IL12RB1: variants seen among roughly 807,000 people sequenced by gnomAD.
IL12RB1 encodes interleukin 12 receptor subunit beta 1.
In IL12RB1, 64 loss-of-function variants were observed where a neutral mutation model predicts 94.4. That is an observed-to-expected ratio of 0.68 (90% CI 0.55 to 0.83). The LOEUF is 0.83. Among genes scored for constraint, IL12RB1 ranks in the 40% least tolerant of loss-of-function variants. IL12RB1 has a pLI of 0.00. For missense variants in IL12RB1, 814 were observed against 855.6 expected (o/e 0.95, Z 0.61); for synonymous variants, 362 against 355.5 (o/e 1.02, Z -0.21).
At chr19:18,081,715 G>A (rs2035914297) in intron 3 of IL12RB1, among the ~76,000 whole-genome samples, 1 of 151,906 alleles carries the variant, frequency 6.6e-6, no homozygotes, top group Non-Finnish European at 1.5e-5. Context: ...AGCTACTCAG[G>A]AGGCTGAGGC....
intron 1 of IL12RB1, chr19:18,097,945 G>C: frequency 1.2e-6 from 1 of 813,180 alleles, no homozygotes; most frequent in Non-Finnish European, 1.6e-6. Context: ...TGAGGCAGAG[G>C]GTGGGGAACG....
At chr19:18,088,019 C>T (rs373424125), upstream of IL12RB1, among the ~76,000 whole-genome samples, 4 of 152,130 alleles carry the variant, frequency 2.6e-5, no homozygotes, top group African/African-American at 7.2e-5. Flanking sequence ...TTTGAGAGGT[C>T]GAGGTGGGAG....
intron 5 of IL12RB1, among the ~76,000 whole-genome samples, 182 bp downstream of exon 5, chr19:18,077,334 C>G (rs1568508764): frequency 1.3e-5 from 2 of 151,850 alleles, no homozygotes; most frequent in African/African-American, 4.8e-5. Flanking sequence ...TGCACTCCAG[C>G]CTGGGCGACA....
At position 18,077,556 on chromosome 19, in the gene IL12RB1, A is replaced by G. The variant is rs777743197; in HGVS notation, c.509T>C (p.Val170Ala). 6.2e-7 allele frequency: 1 copy of G among 1,612,564 alleles called. No homozygotes were observed. The highest frequency in any genetic ancestry group is 8.5e-7 in the Non-Finnish European group (1 of 1,178,972). Residue 170 changes from valine to alanine, a missense_variant, in exon 5 of 17, where the codon GTG (valine) becomes GCG (alanine). Coordinates refer to ENST00000593993, the MANE Select transcript of IL12RB1 (RefSeq NM_005535.3). ...GCTGGGTGTCCGGTGCCGGAACTGCACCTCAGCACCAACCTGGTTATCCGG... is the reference window on the plus strand; with the variant it reads ...GCTGGGTGTCCGGTGCCGGAACTGCGCCTCAGCACCAACCTGGTTATCCGG... ...ETPDNQVGAE[V>A]QFRHRTPSSP... is the part of the protein sequence containing the mutation.
At chr19:18,085,921 A>G (rs2036296320) in intron 1 of IL12RB1, among the ~76,000 whole-genome samples, 1 of 151,592 alleles carries the variant, frequency 6.6e-6, no homozygotes, top group Non-Finnish European at 1.5e-5. Context: ...AGATTATTAA[A>G]AGTATATGGG....
At chr19:18,082,046 T>C (rs2035948717) in intron 3 of IL12RB1, 104 bp downstream of exon 3, 2 of 740,438 alleles carry the variant, frequency 2.7e-6, no homozygotes, top group African/African-American at 1.7e-5. Flanking sequence ...GGAAGGAGTG[T>C]TGACCCAGCC....
In IL12RB1 at chr19:18,069,115, T is replaced by C. The variant is rs552756107; in HGVS notation, c.1189+431A>G. Among the ~76,000 whole-genome samples the C allele has an allele frequency of 2.0e-5, 3 of 152,266 alleles. No homozygotes were observed. The East Asian group carries it at 5.8e-4, about 29-fold the overall frequency. On this transcript the variant is annotated intron_variant, in intron 10 of 16. Transcript: ENST00000593993. The stretch of plus-strand genomic sequence containing the variant: ...GCTGTGTATTCTTCAAGGAACAGGC[T>C]GAGGCTGAGGCTTTCTGGGGCTCTG...
intron 4 of IL12RB1, among the ~76,000 whole-genome samples, chr19:18,078,236 C>A (rs1440212683): frequency 1.3e-5 from 2 of 152,112 alleles, no homozygotes; most frequent in East Asian, 3.9e-4. Context: ...CGGTGAAACA[C>A]CGTCTCTACT....
chr19:18,073,002 T>C (rs1057024537), intron 8 of IL12RB1, among the ~76,000 whole-genome samples: 1 of 142,608 alleles, frequency 7.0e-6, no homozygotes. Context: ...TAGAGGAACA[T>C]AGGAAATAAA....
At chr19:18,081,841 AG>A (rs1431795447) in intron 3 of IL12RB1, among the ~76,000 whole-genome samples, 2 of 133,232 alleles carry the variant, frequency 1.5e-5, no homozygotes, top group African/African-American at 2.8e-5. Context: ...AAAAGAAAAA[AG>A]AAAAAATGGA....
chr19:18,060,436 G>A (rs192349394), intron 15 of IL12RB1, among the ~76,000 whole-genome samples: 5 of 152,192 alleles, frequency 3.3e-5, no homozygotes, highest in African/African-American at 1.2e-4. Flanking sequence ...CCGAGATGGC[G>A]CCACTGCACT....
chr19:18,074,679 C>T (rs943952349), intron 7 of IL12RB1, among the ~76,000 whole-genome samples: 4 of 152,044 alleles, frequency 2.6e-5, no homozygotes, highest in Non-Finnish European at 5.9e-5. Flanking sequence ...ACCCGTGAGG[C>T]GGAGGTTGCA....
Position 18,080,861 on chromosome 19 carries a change from G to C in IL12RB1, c.380C>G (p.Pro127Arg), listed in dbSNP as rs774846440. 1 of 1,612,294 alleles carries C rather than the reference G, an allele frequency of 6.2e-7. No individual in the cohort carries two copies. The highest frequency in any genetic ancestry group is 1.7e-5 in the Admixed American group (1 of 60,002). Residue 127 changes from proline (P) to arginine (R), a missense_variant, in exon 4 of 17, where the codon CCT becomes CGT. Pro to Arg is a moderately radical substitution (Grantham distance 103). Transcript: ENST00000593993. ...SWARNQTEKS[P>R]EVTLQLYNSV... Reference sequence around the variant, plus strand: ...GTTGTAGAGCTGCAGGGTCACCTCAGGAGACTTCTCTGTCTGGTTCCTGGC... The same window carrying C: ...GTTGTAGAGCTGCAGGGTCACCTCACGAGACTTCTCTGTCTGGTTCCTGGC...
In IL12RB1 at chr19:18,059,027, G is replaced by A. The variant is rs759679301; in HGVS notation, c.*581C>T. On this transcript the variant is annotated 3_prime_UTR_variant, in exon 17 of 17. Transcript: ENST00000593993. Reference sequence around the variant, plus strand: ...CAAGGCTCGTGTTTTGAGATTTTGAGCAGGACATTCAAGCTTCAAACAGGA... The same window carrying A: ...CAAGGCTCGTGTTTTGAGATTTTGAACAGGACATTCAAGCTTCAAACAGGA... 3.8e-4 allele frequency: 58 copies of A among 154,110 alleles called. No homozygotes were observed. Among genetic ancestry groups the A allele is most frequent in the South Asian group, 1.6e-3 (8 of 5,092 alleles). 9.5% of individuals were successfully genotyped at this position (154,110 alleles called of 1,614,324 possible).
At chr19:18,085,610 TTTA>T (rs901255326) in intron 1 of IL12RB1, among the ~76,000 whole-genome samples, 1 of 151,566 alleles carries the variant, frequency 6.6e-6, no homozygotes, top group Non-Finnish European at 1.5e-5. Context: ...GGAAAGTTTA[TTTA>T]TTATTATTAT....
rs746948689 is a variant in IL12RB1 at position 18,072,240 on chromosome 19, G to GTGGCCT, written c.887_892dup (p.Lys296_Ala297dup). On this transcript the variant is annotated inframe_insertion, in exon 9 of 17. Transcript: ENST00000593993. ...CATCTTCCCCAGGTGCAGGGTCCTG[G>GTGGCCT]TGGCCTTGGCCTTACACGGGCAGGA... 24 of 1,614,144 alleles carry GTGGCCT rather than the reference G, an allele frequency of 1.5e-5. No individual in the cohort carries two copies. The South Asian group carries it at 2.6e-4, about 18-fold the overall frequency.
chr19:18,064,136 T>TTA, intron 12 of IL12RB1, 126 bp from the exon 13 acceptor site: 1 of 498,032 alleles, frequency 2.0e-6, no homozygotes, highest in Non-Finnish European at 3.6e-6. Context: ...TACTCTTTCT[T>TTA]TCTTTTTTTT....
upstream of IL12RB1, among the ~76,000 whole-genome samples, chr19:18,087,252 C>G (rs1210662084): frequency 6.6e-6 from 1 of 151,334 alleles, no homozygotes; most frequent in African/African-American, 2.4e-5. Flanking sequence ...CTCTGTCGCC[C>G]GGGCTGGAGT....
intron 9 of IL12RB1, chr19:18,071,449 G>C (rs145628287): frequency 2.0e-6 from 1 of 512,168 alleles, no homozygotes. Context: ...CTATCAACCA[G>C]GGTGGAGCGC....
Sources: gnomAD v4.1 joint callset for allele counts (sites outside exome capture counted in the v4.1 genomes callset) on GRCh38, gnomAD v4.1.1 for gene constraint, MANE v1.5 for transcripts, NCBI Gene and HGNC (gene_info 2026-07-23, HGNC 2026-07-21) for gene names.